The following RFTN2 variants were observed in gnomAD, a reference collection of about 807,000 sequenced individuals.
RFTN2 encodes the protein raftlin-2.
A neutral mutation model predicts 52.7 loss-of-function variants in RFTN2; 34 were observed. The ratio of observed to expected loss-of-function variants is 0.64; its 90% confidence interval spans 0.49 to 0.86. The LOEUF is 0.86. Among genes scored for constraint, RFTN2 ranks in the 40% least tolerant of loss-of-function variants. The pLI, the probability that RFTN2 is intolerant of heterozygous loss-of-function variation, is 0.00. For missense variants in RFTN2, 536 were observed against 600.1 expected, an observed-to-expected ratio of 0.89 and a Z score of 1.12; for synonymous variants, 203 against 217.7, an observed-to-expected ratio of 0.93 and a Z score of 0.59.
intron 8 of RFTN2, among the ~76,000 whole-genome samples, chr2:197,577,666 C>A (rs1261790782): frequency 6.6e-6 from 1 of 152,178 alleles, no homozygotes; most frequent in East Asian, 1.9e-4. Context: ...CCCACATGCA[C>A]AATGAATGCA....
In RFTN2 at chr2:197,600,973, G is replaced by A. The variant is rs16866720; in HGVS notation, c.1155-4904C>T. ...AGTATAGAGAACAGTCTACAGAGAA[G>A]TGATGAGAACATTGACTAGTCCCTT... On this transcript the variant is annotated intron_variant, in intron 7 of 8. Transcript: ENST00000295049. 7.4e-3 allele frequency among the ~76,000 whole-genome samples: 1,132 copies of A among 152,342 alleles called. 32 individuals are homozygous for A. The highest frequency in any genetic ancestry group is 0.07 in the East Asian group (363 of 5,180).
At chr2:197,609,165 C>T (rs780027475) in intron 7 of RFTN2, among the ~76,000 whole-genome samples, 18 of 152,008 alleles carry the variant, frequency 1.2e-4, no homozygotes, top group African/African-American at 2.7e-4. Flanking sequence ...GGGATCACTG[C>T]GTCAAATGGT....
intron 6 of RFTN2, among the ~76,000 whole-genome samples, chr2:197,616,621 C>T (rs891082432): frequency 1.3e-5 from 2 of 152,002 alleles, no homozygotes; most frequent in Admixed American, 6.6e-5. Flanking sequence ...AGTTCCTTAG[C>T]GGATTTGGAT....
intron 2 of RFTN2, among the ~76,000 whole-genome samples, chr2:197,645,925 C>G (rs1174167057): frequency 6.6e-6 from 1 of 151,978 alleles, no homozygotes; most frequent in Non-Finnish European, 1.5e-5. Context: ...ACTTGGGAGG[C>G]TGAGGCAGAA....
intron 5 of RFTN2, 94 bp downstream of exon 5, chr2:197,630,917 T>G (rs1376425629): frequency 2.5e-6 from 2 of 802,740 alleles, no homozygotes; most frequent in African/African-American, 3.5e-5. Flanking sequence ...ATCTGTCCTT[T>G]CAGCCATAGA....
At chr2:197,671,634 G>T (rs1220934951) in intron 1 of RFTN2, among the ~76,000 whole-genome samples, 2 of 152,174 alleles carry the variant, frequency 1.3e-5, no homozygotes, top group East Asian at 3.8e-4. Context: ...TATTTCCAAT[G>T]CTAATCAGCA....
chr2:197,619,034 G>C lies in RFTN2; in HGVS notation c.929-1113C>G, dbSNP rs546265364. Among the ~76,000 whole-genome samples the C allele has an allele frequency of 5.5e-3, 838 of 151,210 alleles. 4 individuals carry two copies. Among genetic ancestry groups the C allele is most frequent in the Admixed American group, 9.3e-3 (142 of 15,258 alleles). ...GGGGGGTCAGCCCCCTGCCCGGCCA[G>C]CCGCCCTGTCCGGGAGGTGAGGGGT... On this transcript the variant is annotated intron_variant, in intron 5 of 8. Transcript: ENST00000295049.
chr2:197,637,668 G>A (rs1004148598), intron 3 of RFTN2, among the ~76,000 whole-genome samples: 6 of 151,682 alleles, frequency 4.0e-5, no homozygotes, highest in Admixed American at 2.6e-4. Context: ...TATCAATTTT[G>A]TTGATCCTTT....
At chr2:197,632,276 T>C (rs1400798662) in intron 4 of RFTN2, among the ~76,000 whole-genome samples, 1 of 152,218 alleles carries the variant, frequency 6.6e-6, no homozygotes, top group Non-Finnish European at 1.5e-5. Flanking sequence ...TCTTGAATTG[T>C]AGTTCCCATA....
intron 8 of RFTN2, among the ~76,000 whole-genome samples, chr2:197,581,780 A>G (rs1191505603): frequency 6.6e-6 from 1 of 152,154 alleles, no homozygotes; most frequent in African/African-American, 2.4e-5. Flanking sequence ...AACCCCTTCT[A>G]CAAAACAACA....
In RFTN2 at chr2:197,601,190, T is replaced by C. The variant is rs192390343; in HGVS notation, c.1155-5121A>G. ...CTGGAGCATAGGAGATGCTCAGAAA[T>C]GTTTCCTTTTCTCTTCCCTGCCTTC... is the stretch of plus-strand genomic sequence containing the variant. On this transcript the variant is annotated intron_variant, in intron 7 of 8. Coordinates refer to ENST00000295049, the MANE Select transcript of RFTN2 (RefSeq NM_144629.3). Among the ~76,000 whole-genome samples, 298 of 152,290 alleles carry C rather than the reference T, an allele frequency of 2.0e-3. 3 individuals are homozygous for C. Among genetic ancestry groups the C allele is most frequent in the Admixed American group, 0.016 (248 of 15,304 alleles).
At chr2:197,619,135 G>T (rs995522173) in intron 5 of RFTN2, among the ~76,000 whole-genome samples, 3 of 141,446 alleles carry the variant, frequency 2.1e-5, no homozygotes, top group African/African-American at 5.1e-5. Context: ...GGAGGGAGGT[G>T]GGGGGGGTCA....
intron 3 of RFTN2, 23 bp downstream of exon 3, chr2:197,644,134 TG>T: frequency 1.5e-6 from 2 of 1,302,384 alleles, no homozygotes; most frequent in Admixed American, 3.4e-5. Flanking sequence ...CAATATCCCA[TG>T]AAAAAGTGCA....
intron 3 of RFTN2, among the ~76,000 whole-genome samples, chr2:197,643,703 T>TTTAAGCTTAGTTTTTTAAGCTTAG (rs1398863928): frequency 1.1e-4 from 16 of 152,298 alleles, no homozygotes; most frequent in Admixed American, 2.0e-4. Flanking sequence ...TTAAGCTTAG[T>TTTAAGCTTAGTTTTTTAAGCTTAG]TTTCCTAGTA....
rs1427505392 is a variant in RFTN2 at position 197,568,901 on chromosome 2, A to C, written c.*3107T>G. ...TCAAATATATAAACACCTGCTCCTG[A>C]TAACACAAATGATTTGGAGATAGTT... On this transcript the variant is annotated 3_prime_UTR_variant, in exon 9 of 9. Coordinates refer to ENST00000295049, the MANE Select transcript of RFTN2 (RefSeq NM_144629.3). 1 of 152,224 alleles carries C rather than the reference A, an allele frequency of 6.6e-6. No homozygotes were observed. The highest frequency in any genetic ancestry group is 1.9e-4 in the East Asian group (1 of 5,200). The allele number at this position is 152,224 out of a possible 1,614,324, so 9.4% of individuals were successfully genotyped here.
intron 5 of RFTN2, among the ~76,000 whole-genome samples, chr2:197,627,823 T>TA (rs1000163890): frequency 6.6e-5 from 10 of 152,094 alleles, no homozygotes; most frequent in Non-Finnish European, 1.3e-4. Context: ...TCACAGATCT[T>TA]ACAACTTTTA....
chr2:197,593,923 T>A (rs1364757306), intron 8 of RFTN2, among the ~76,000 whole-genome samples: 1 of 149,852 alleles, frequency 6.7e-6, no homozygotes, highest in African/African-American at 2.4e-5. Context: ...TGTGACATGA[T>A]GAGAAGTTTG....
chr2:197,586,821 G>T (rs1450752932), intron 8 of RFTN2, among the ~76,000 whole-genome samples: 3 of 152,110 alleles, frequency 2.0e-5, no homozygotes, highest in African/African-American at 7.2e-5. Flanking sequence ...AACCGCCGAG[G>T]CCTTGACTTA....
At chr2:197,592,790 C>A (rs972349450) in intron 8 of RFTN2, among the ~76,000 whole-genome samples, 1 of 152,124 alleles carries the variant, frequency 6.6e-6, no homozygotes, top group Admixed American at 6.5e-5. Flanking sequence ...GTAAATACAA[C>A]TTTCACAAAA....
Sources: allele counts gnomAD v4.1 joint callset (sites outside exome capture counted in the v4.1 genomes callset), GRCh38; gene constraint gnomAD v4.1.1; transcripts MANE v1.5; gene names NCBI Gene and HGNC (gene_info 2026-07-23, HGNC 2026-07-21).